Variants in BCORL1 observed in about 807,000 individuals in gnomAD.
The protein encoded by BCORL1 is BCL6 corepressor like 1, also known as BCL-6 corepressor-like protein 1.
A neutral mutation model predicts 87.6 loss-of-function variants in BCORL1; 7 were observed. The observed-to-expected ratio is 0.08, with a 90% CI of 0.05 to 0.15. The LOEUF (loss-of-function observed/expected upper bound fraction) is 0.15. BCORL1 is among the 10% of genes least tolerant of loss of function. BCORL1 has a pLI of 1.00. For synonymous variants in BCORL1, 591 were observed against 634.4 expected, an observed-to-expected ratio of 0.93 and a Z score of 1.03; for missense variants, 1,215 against 1,499.7, an observed-to-expected ratio of 0.81 and a Z score of 3.13.
Position 130,014,710 on chromosome X carries a change from G to A in BCORL1, c.1938G>A (p.Val646=), listed in dbSNP as rs938450626. 1 of 1,211,152 alleles carries A rather than the reference G, an allele frequency of 8.3e-7. No homozygotes were observed. Among genetic ancestry groups the A allele is most frequent in the African/African-American group, 1.7e-5 (1 of 57,574 alleles). ...PNQRKTPPMP[V]LTPVHTSSKA... is the part of the protein sequence containing the mutation. ...AGCGCAAGACACCCCCCATGCCTGT[G>A]TTGACCCCCGTGCACACCAGCAGCA... is the stretch of plus-strand genomic sequence containing the variant. The change falls in exon 4 of 14, where the codon GTG becomes GTA. Residue 646 remains valine (V), a synonymous_variant. Coordinates refer to ENST00000540052, the MANE Select transcript of BCORL1 (RefSeq NM_001379451.1).
At chrX:129,999,690 C>CG (rs201919333) in intron 1 of BCORL1, among the ~76,000 whole-genome samples, 14 of 101,499 alleles carry the variant, frequency 1.4e-4, no homozygotes, top group Non-Finnish European at 2.8e-4. Context: ...TTTTTCCCCC[C>CG]CCCCAGACAG....
chrX:130,022,648 T>C (rs904200911), intron 5 of BCORL1, among the ~76,000 whole-genome samples: 5 of 111,737 alleles, frequency 4.5e-5, no homozygotes, highest in African/African-American at 1.6e-4. Flanking sequence ...GTGCACTGCC[T>C]TTTCTGGTAT....
intron 6 of BCORL1, among the ~76,000 whole-genome samples, chrX:130,024,240 G>A: frequency 9.0e-6 from 1 of 111,367 alleles, no homozygotes; most frequent in Middle Eastern, 4.6e-3. Context: ...GGAGGAGGGG[G>A]AAGCGCTTGC....
Position 130,005,211 on chromosome X carries a change from A to C in BCORL1, c.-21A>C, listed in dbSNP as rs1489120052. On this transcript the variant is annotated 5_prime_UTR_variant, in exon 2 of 14. Coordinates refer to ENST00000540052, the MANE Select transcript of BCORL1 (RefSeq NM_001379451.1). ...AGGGGGAGTGGCCACAGCAGGTCCT[A>C]TCTGGTGGTGAGTGGCTGTCATGAT... 8.4e-7 allele frequency: 1 copy of C among 1,195,678 alleles called. No individual in the cohort carries two copies. The highest frequency in any genetic ancestry group is 1.8e-5 in the South Asian group (1 of 54,766).
At chrX:130,001,692 G>A (rs1044533263) in intron 1 of BCORL1, among the ~76,000 whole-genome samples, 1 of 110,103 alleles carries the variant, frequency 9.1e-6, no homozygotes, top group African/African-American at 3.3e-5. Context: ...GTTTAGGAAG[G>A]GTTGGGAGCT....
In BCORL1 at chrX:130,039,248, G is replaced by A; in HGVS notation, c.4806G>A (p.Leu1602=). ...ACTCGGGTCAGACAGCCATGAAGCT[G>A]GCCAGCAGCGACACCATGAAGCGCT... ...ATYSGQTAMK[L]ASSDTMKRFL... Residue 1602 remains leucine (L), a synonymous_variant, in exon 11 of 14, where the codon CTG becomes CTA. Coordinates refer to ENST00000540052, the MANE Select transcript of BCORL1 (RefSeq NM_001379451.1). 1 of 1,210,594 alleles carries A rather than the reference G, an allele frequency of 8.3e-7. No homozygotes were observed. The highest frequency in any genetic ancestry group is 1.1e-6 in the Non-Finnish European group (1 of 895,437).
At chrX:129,981,130 C>T (rs1178010417), upstream of BCORL1, 1 of 111,676 alleles carries the variant, frequency 9.0e-6, no homozygotes, top group African/African-American at 3.3e-5. Flanking sequence ...TAAGCAACTC[C>T]GAGTGTTAGA....
In BCORL1 at chrX:130,051,966, A is replaced by T. The variant is rs1480262200; in HGVS notation, c.5025A>T (p.Ser1675=). The change falls in exon 13 of 14, where the codon TCA becomes TCT. Residue 1675 remains serine, a synonymous_variant. Transcript: ENST00000540052. ...AGGATGATTTCATGTTTGAACTCTCAGACAAGCCTCTTCTCCCTTGCTACA... is the reference window on the plus strand; with the variant it reads ...AGGATGATTTCATGTTTGAACTCTCTGACAAGCCTCTTCTCCCTTGCTACA... ...MEEDDFMFEL[S]DKPLLPCYNL... is the part of the protein sequence containing the mutation. 1 of 1,209,289 alleles carries T rather than the reference A, an allele frequency of 8.3e-7. No homozygotes were observed. The highest frequency in any genetic ancestry group is 1.1e-6 in the Non-Finnish European group (1 of 894,074).
chrX:130,032,257 G>A (rs1354528241), intron 8 of BCORL1, among the ~76,000 whole-genome samples: 1 of 111,512 alleles, frequency 9.0e-6, no homozygotes, highest in Non-Finnish European at 1.9e-5. Context: ...AGCCAGGGCA[G>A]CATTCCTCTG....
chrX:130,055,856 C>T lies in BCORL1; in HGVS notation c.5078C>T (p.Pro1693Leu). Residue 1693 changes from proline (P) to leucine (L), a missense_variant and splice_region_variant, in exon 14 of 14, where the codon CCC becomes CTC. By Grantham distance (98) the Pro-to-Leu change is moderately conservative. This residue lies in a region of BCORL1 where 129 missense variants were observed against 157.5 expected (regional missense o/e 0.82). Transcript: ENST00000540052. ...AACTCCCATCCTTGCCTTTGCAGGC[C>T]CTGCAACTGGTTCCTCTTTTCCGAT... The part of the protein sequence containing the change: ...YNLQVSVSRG[P>L]CNWFLFSDVL... 8.3e-7 allele frequency: 1 copy of T among 1,202,311 alleles called. No individual in the cohort carries two copies. The highest frequency in any genetic ancestry group is 1.7e-5 in the African/African-American group (1 of 57,810).
chrX:130,049,108 C>A (rs1216604139), intron 11 of BCORL1, among the ~76,000 whole-genome samples: 1 of 112,436 alleles, frequency 8.9e-6, no homozygotes, highest in African/African-American at 3.2e-5. Flanking sequence ...TATGAACGTG[C>A]ACACAGAGAG....
chrX:130,033,162 A>G (rs1366350566), intron 8 of BCORL1, among the ~76,000 whole-genome samples: 1 of 106,482 alleles, frequency 9.4e-6, no homozygotes, highest in Non-Finnish European at 1.9e-5. Flanking sequence ...GCATACTGCA[A>G]CCTCCCCCTC....
At chrX:130,018,897 A>G (rs1274550093) in intron 4 of BCORL1, among the ~76,000 whole-genome samples, 1 of 111,929 alleles carries the variant, frequency 8.9e-6, no homozygotes, top group East Asian at 2.8e-4. Flanking sequence ...GCAAACTAAG[A>G]TCAGGGGTTT....
At chrX:130,043,724 G>A (rs1223016656) in intron 11 of BCORL1, among the ~76,000 whole-genome samples, 3 of 81,245 alleles carry the variant, frequency 3.7e-5, no homozygotes, top group South Asian at 7.8e-4. Context: ...ACAGGCGCCC[G>A]CCACCATGCC....
intron 1 of BCORL1, among the ~76,000 whole-genome samples, chrX:130,002,431 G>A (rs1198479139): frequency 1.9e-5 from 2 of 107,770 alleles, no homozygotes; most frequent in Non-Finnish European, 3.8e-5. Flanking sequence ...AGAGAGATGG[G>A]TGGGGGAAGC....
At chrX:130,019,174 T>C (rs146286444) in intron 4 of BCORL1, among the ~76,000 whole-genome samples, 16 of 112,388 alleles carry the variant, frequency 1.4e-4, no homozygotes, top group Middle Eastern at 4.6e-3. Flanking sequence ...AGTTGGAGTG[T>C]GCGAAATATT....
At position 130,014,124 on chromosome X, in the gene BCORL1, A is replaced by G. The variant is rs1256043942; in HGVS notation, c.1352A>G (p.Tyr451Cys). Residue 451 changes from tyrosine to cysteine, a missense_variant, in exon 4 of 14, where the codon TAT becomes TGT. Transcript: ENST00000540052. ...TVLTPSQPLV[Y>C]IPPPSCGQPL... ...CTGACCCCGAGCCAGCCGCTGGTAT[A>G]TATCCCGCCTCCAAGCTGTGGGCAG... 1.7e-6 allele frequency: 2 copies of G among 1,210,618 alleles called. No homozygotes were observed. Among genetic ancestry groups the G allele is most frequent in the African/African-American group, 1.7e-5 (1 of 57,459 alleles).
chrX:130,050,212 G>T (rs766827660), intron 11 of BCORL1, among the ~76,000 whole-genome samples: 1 of 109,958 alleles, frequency 9.1e-6, no homozygotes, highest in Non-Finnish European at 1.9e-5. Flanking sequence ...TGGGAGGATC[G>T]CTTGAGCTCA....
At chrX:130,033,135 G>A (rs904689184) in intron 8 of BCORL1, among the ~76,000 whole-genome samples, 8 of 104,403 alleles carry the variant, frequency 7.7e-5, no homozygotes, top group Non-Finnish European at 1.4e-4. Context: ...AGGCTGGAGC[G>A]CAGTGCCGCA....
Sources: gnomAD v4.1 joint callset for allele counts (sites outside exome capture counted in the v4.1 genomes callset) on GRCh38, gnomAD v4.1.1 for gene constraint, gnomAD v4.1.1 regional missense constraint, MANE v1.5 for transcripts, NCBI Gene and HGNC (gene_info 2026-07-23, HGNC 2026-07-21) for gene names.